LDB2: variants seen among roughly 807,000 people sequenced by gnomAD.
LDB2 encodes LIM domain binding 2, also known as LIM domain-binding protein 2.
A neutral mutation model predicts 44.3 loss-of-function variants in LDB2; 12 were observed. The observed-to-expected ratio is 0.27, with a 90% CI of 0.17 to 0.44. LDB2 has a LOEUF of 0.44. Ranked by LOEUF, LDB2 falls within the 20% of genes least tolerant of loss-of-function variation. LDB2 has a pLI of 1.00. For missense variants in LDB2, 344 were observed against 473.5 expected (o/e 0.73, Z 2.54); for synonymous variants, 164 against 174.8 (o/e 0.94, Z 0.49).
At chr4:16,664,683 G>A (rs1055920826) in intron 2 of LDB2, among the ~76,000 whole-genome samples, 1 of 152,184 alleles carries the variant, frequency 6.6e-6, no homozygotes, top group African/African-American at 2.4e-5. Context: ...ATTCCTGGGG[G>A]ACAAGCCTTC....
chr4:16,817,518 C>T (rs566856018), intron 1 of LDB2, among the ~76,000 whole-genome samples: 1 of 152,260 alleles, frequency 6.6e-6, no homozygotes, highest in East Asian at 1.9e-4. Flanking sequence ...TTTCAAGAGA[C>T]CTGGAATGTA....
At chr4:16,839,006 A>G (rs1301780630) in intron 1 of LDB2, among the ~76,000 whole-genome samples, 2 of 152,246 alleles carry the variant, frequency 1.3e-5, no homozygotes, top group African/African-American at 4.8e-5. Context: ...TTCCCCAAGC[A>G]TATTCTGCAG....
intron 1 of LDB2, among the ~76,000 whole-genome samples, chr4:16,886,766 C>T (rs887182525): frequency 2.0e-5 from 3 of 152,050 alleles, no homozygotes; most frequent in Non-Finnish European, 4.4e-5. Flanking sequence ...GGCACGGTGG[C>T]TCACACCTGT....
chr4:16,785,964 A>C (rs1367988935), intron 1 of LDB2, among the ~76,000 whole-genome samples: 1 of 152,200 alleles, frequency 6.6e-6, no homozygotes, highest in Admixed American at 6.5e-5. Flanking sequence ...ATTATGCAGA[A>C]GATACGATGA....
chr4:16,812,631 ATGTGTGTGTGTGTG>A (rs5856389), intron 1 of LDB2, among the ~76,000 whole-genome samples: 2 of 126,024 alleles, frequency 1.6e-5, no homozygotes, highest in Admixed American at 1.7e-4. Flanking sequence ...TATTAAATAT[ATGTGTGTGTGTGTG>A]TGTGTGTGTG....
Position 16,549,057 on chromosome 4 carries a change from G to A in LDB2, c.615+36865C>T, listed in dbSNP as rs548883366. 1.6e-3 allele frequency among the ~76,000 whole-genome samples: 237 copies of A among 152,320 alleles called. 1 individual carries two copies. The highest frequency in any genetic ancestry group is 4.8e-3 in the South Asian group (23 of 4,824). On this transcript the variant is annotated intron_variant, in intron 5 of 7. Coordinates refer to ENST00000304523, the MANE Select transcript of LDB2 (RefSeq NM_001290.5). ...GTTCTGAAACCTGTAGGTCAGTTAT[G>A]ACCTAGAATTATTGAAGGAATCTGG...
At chr4:16,820,358 C>A (rs1781716123) in intron 1 of LDB2, among the ~76,000 whole-genome samples, 1 of 152,072 alleles carries the variant, frequency 6.6e-6, no homozygotes, top group African/African-American at 2.4e-5. Context: ...TATTGGTGAA[C>A]AAGAGCAGGT....
intron 7 of LDB2, among the ~76,000 whole-genome samples, chr4:16,505,489 G>T (rs1719034230): frequency 6.6e-6 from 1 of 152,156 alleles, no homozygotes; most frequent in African/African-American, 2.4e-5. Flanking sequence ...GTTCTTCTAA[G>T]CCTCTAGACT....
chr4:16,844,345 A>T (rs1024946822), intron 1 of LDB2, among the ~76,000 whole-genome samples: 9 of 147,664 alleles, frequency 6.1e-5, no homozygotes, highest in Non-Finnish European at 1.0e-4. Context: ...TTCTCCTCCC[A>T]CTTCCCTGGG....
At chr4:16,511,330 G>A (rs751201106) in intron 6 of LDB2, among the ~76,000 whole-genome samples, 9 of 151,946 alleles carry the variant, frequency 5.9e-5, no homozygotes, top group Non-Finnish European at 8.8e-5. Flanking sequence ...GACTTGAATC[G>A]GTGATTTCAG....
intron 5 of LDB2, among the ~76,000 whole-genome samples, chr4:16,552,377 A>G (rs970837714): frequency 1.3e-5 from 2 of 152,204 alleles, no homozygotes; most frequent in African/African-American, 4.8e-5. Context: ...GCTCTGAATT[A>G]TAATAAAAGT....
At chr4:16,600,266 G>A (rs1447582055) in intron 2 of LDB2, among the ~76,000 whole-genome samples, 1 of 151,916 alleles carries the variant, frequency 6.6e-6, no homozygotes, top group Non-Finnish European at 1.5e-5. Flanking sequence ...TTTAATCCCT[G>A]GAATTAAAAT....
At chr4:16,540,850 C>T (rs1733516798) in intron 5 of LDB2, among the ~76,000 whole-genome samples, 1 of 152,072 alleles carries the variant, frequency 6.6e-6, no homozygotes, top group Admixed American at 6.6e-5. Context: ...TCTTTGACAA[C>T]TTTTTTATCT....
chr4:16,822,897 G>A (rs1232348855), intron 1 of LDB2, among the ~76,000 whole-genome samples: 1 of 152,144 alleles, frequency 6.6e-6, no homozygotes, highest in Non-Finnish European at 1.5e-5. Flanking sequence ...ATGTCTATTA[G>A]TATTCTTAAT....
At chr4:16,779,735 G>A (rs1263894836) in intron 1 of LDB2, among the ~76,000 whole-genome samples, 2 of 152,180 alleles carry the variant, frequency 1.3e-5, no homozygotes, top group Non-Finnish European at 1.5e-5. Context: ...CCTTCCCCAT[G>A]GTCAGTTCAG....
At chr4:16,616,620 G>T (rs112406325) in intron 2 of LDB2, among the ~76,000 whole-genome samples, 1 of 152,224 alleles carries the variant, frequency 6.6e-6, no homozygotes, top group South Asian at 2.1e-4. Flanking sequence ...GCCACCAAGA[G>T]AAACTGTGTT....
chr4:16,743,801 G>T (rs1001891262), intron 2 of LDB2, among the ~76,000 whole-genome samples: 1 of 152,160 alleles, frequency 6.6e-6, no homozygotes, highest in African/African-American at 2.4e-5. Flanking sequence ...TGCCTTGTGA[G>T]ACCCTAGGCA....
At position 16,588,600 on chromosome 4, in the gene LDB2, G is replaced by A. The variant is rs906122; in HGVS notation, c.531+110C>T. 1.2e-5 allele frequency: 13 copies of A among 1,123,202 alleles called. No individual in the cohort carries two copies. In the East Asian group the frequency reaches 1.5e-4, roughly 13 times the overall value. The allele number at this position is 1,123,202 out of a possible 1,614,324, so 69.6% of individuals were successfully genotyped here. ...ATATTTAGAGTTAATTACCTAAAGC[G>A]TGACAACTACTGGAATTCTTTCACA... On this transcript the variant is annotated intron_variant, in intron 4 of 7. Coordinates refer to ENST00000304523, the MANE Select transcript of LDB2 (RefSeq NM_001290.5).
chr4:16,840,744 T>C (rs139083412), intron 1 of LDB2, among the ~76,000 whole-genome samples: 11 of 152,338 alleles, frequency 7.2e-5, no homozygotes, highest in East Asian at 5.8e-4. Flanking sequence ...AAATGTATTA[T>C]AGCACTTGAT....
Sources: gnomAD v4.1 joint callset for allele counts (sites outside exome capture counted in the v4.1 genomes callset) on GRCh38, gnomAD v4.1.1 for gene constraint, MANE v1.5 for transcripts, NCBI Gene and HGNC (gene_info 2026-07-23, HGNC 2026-07-21) for gene names.